The following ZNF808 variants were observed in gnomAD, a reference collection of about 807,000 sequenced individuals.
The protein encoded by ZNF808 is zinc finger protein 808.
Under a neutral mutation model 8.7 loss-of-function variants are expected in ZNF808, and 5 were observed. The observed-to-expected ratio is 0.58, with a 90% CI of 0.30 to 1.21. The LOEUF (loss-of-function observed/expected upper bound fraction) is 1.21, where lower values mean the gene tolerates loss of function less well. ZNF808 is among the 50% of genes most tolerant of loss of function. ZNF808 has a pLI of 0.07. For synonymous variants in ZNF808, 380 were observed against 366.0 expected (o/e 1.04, Z -0.44); for missense variants, 1,103 against 1,098.4 (o/e 1.00, Z -0.06).
chr19:52,555,718 TA>T lies in ZNF808; in HGVS notation c.*93del. 6.6e-7 allele frequency: 1 copy of T among 1,521,220 alleles called. No homozygotes were observed. The allele number at this position is 1,521,220 out of a possible 1,614,324, so 94.2% of individuals were successfully genotyped here. A position where few individuals can be genotyped will look rare whatever the true frequency, so the allele number is the denominator to read the frequency against. On this transcript the variant is annotated 3_prime_UTR_variant, in exon 5 of 5. Coordinates refer to ENST00000359798, the MANE Select transcript of ZNF808 (RefSeq NM_001039886.4). ...ATGAAGAGAAATCTTCTGAGTGTAA[TA>T]AATGTGGCATGTTTTTCAGACATTG... is the stretch of plus-strand genomic sequence containing the variant.
chr19:52,542,758 G>A (rs1160418506), intron 2 of ZNF808, among the ~76,000 whole-genome samples: 1 of 152,104 alleles, frequency 6.6e-6, no homozygotes, highest in Non-Finnish European at 1.5e-5. Flanking sequence ...GAAGCAGGGA[G>A]GCGGCTTTTA....
At chr19:52,549,369 G>A (rs2059753525) in intron 4 of ZNF808, among the ~76,000 whole-genome samples, 1 of 150,822 alleles carries the variant, frequency 6.6e-6, no homozygotes, top group African/African-American at 2.4e-5. Context: ...GAGTTTACTT[G>A]TTTGTTTGTG....
intron 2 of ZNF808, among the ~76,000 whole-genome samples, 171 bp from the exon 3 acceptor site, chr19:52,543,095 C>G (rs188132368): frequency 6.6e-6 from 1 of 152,092 alleles, no homozygotes; most frequent in African/African-American, 2.4e-5. Flanking sequence ...CGGGGTCAAA[C>G]ATACACTTGT....
In ZNF808 at chr19:52,539,605, A is replaced by T. The variant is rs73576286; in HGVS notation, c.-19-3661A>T. On this transcript the variant is annotated intron_variant, in intron 2 of 4. Coordinates refer to ENST00000359798, the MANE Select transcript of ZNF808 (RefSeq NM_001039886.4). Reference sequence around the variant, plus strand: ...GTTTTGGTCTTGTTGCCCAGGGTGAAGTGCAATGGTGCGATCTTGCTCACT... The same window carrying T: ...GTTTTGGTCTTGTTGCCCAGGGTGATGTGCAATGGTGCGATCTTGCTCACT... Among the ~76,000 whole-genome samples, 610 of 125,512 alleles carry T rather than the reference A, an allele frequency of 4.9e-3. 5 individuals are homozygous for T. Among genetic ancestry groups the T allele is most frequent in the African/African-American group, 0.018 (568 of 31,036 alleles). The allele number at this position is 125,512 out of a possible 152,430, so 82.3% of individuals were successfully genotyped here. A position where few individuals can be genotyped will look rare whatever the true frequency, so the allele number is the denominator to read the frequency against.
chr19:52,565,745 C>T (rs556265513), downstream of ZNF808, among the ~76,000 whole-genome samples: 205 of 152,286 alleles, frequency 1.3e-3, no homozygotes, highest in Non-Finnish European at 2.3e-3. Flanking sequence ...ACAATGTGAT[C>T]ATTTGTTATC....
intron 3 of ZNF808, among the ~76,000 whole-genome samples, chr19:52,561,911 A>G (rs1283121650): frequency 6.6e-6 from 1 of 152,198 alleles, no homozygotes; most frequent in Non-Finnish European, 1.5e-5. Flanking sequence ...GTTTTATGCT[A>G]CAGGCTCTAA....
At chr19:52,565,465 C>A (rs988216107), downstream of ZNF808, among the ~76,000 whole-genome samples, 1 of 152,086 alleles carries the variant, frequency 6.6e-6, no homozygotes, top group Admixed American at 6.6e-5. Flanking sequence ...ATACTCCACT[C>A]ACAAACTGTG....
At chr19:52,529,599 C>A (rs779038889) in intron 1 of ZNF808, among the ~76,000 whole-genome samples, 22 of 152,170 alleles carry the variant, frequency 1.4e-4, no homozygotes, top group Non-Finnish European at 3.1e-4. Context: ...CCCTATTCAA[C>A]CAGAGGGAAG....
chr19:52,543,387 C>T, intron 3 of ZNF808, 40 bp downstream of exon 3: 1 of 1,602,372 alleles, frequency 6.2e-7, no homozygotes, highest in Non-Finnish European at 8.5e-7. Flanking sequence ...TGTCTCTTTC[C>T]TTTCTGAAAT....
chr19:52,558,265 G>A (rs1027381467), downstream of ZNF808, among the ~76,000 whole-genome samples: 9 of 150,486 alleles, frequency 6.0e-5, no homozygotes, highest in African/African-American at 9.8e-5. Flanking sequence ...TAGTAGAGGC[G>A]GGGTTTCACC....
chr19:52,551,491 T>G (rs1478551652), intron 4 of ZNF808, among the ~76,000 whole-genome samples: 1 of 152,176 alleles, frequency 6.6e-6, no homozygotes, highest in East Asian at 1.9e-4. Context: ...GATCTTAACA[T>G]GTATTTCAGT....
In ZNF808 at chr19:52,555,612, T is replaced by C. The variant is rs2059829272; in HGVS notation, c.2696T>C (p.Ile899Thr). The C allele has an allele frequency of 6.3e-7, 1 of 1,598,428 alleles. No individual in the cohort carries two copies. The highest frequency in any genetic ancestry group is 2.2e-5 in the East Asian group (1 of 44,762). The change falls in exon 5 of 5, where the codon ATA (isoleucine) becomes ACA (threonine). Residue 899 changes from isoleucine (I) to threonine (T), a missense_variant. Coordinates refer to ENST00000359798, the MANE Select transcript of ZNF808 (RefSeq NM_001039886.4). ...TLIHHQAIHGIGKFD is the reference protein window; with the variant it reads ...TLIHHQAIHGTGKFD ...ATTCACCATCAGGCAATTCATGGTA[T>C]AGGGAAATTTGATTAATATAATGAT...
At chr19:52,537,687 C>CAAGAAA (rs2059626671) in intron 2 of ZNF808, among the ~76,000 whole-genome samples, 1 of 117,074 alleles carries the variant, frequency 8.5e-6, no homozygotes. Context: ...GACCCTGTCT[C>CAAGAAA]AAAAAAAAAA....
At chr19:52,557,338 G>A (rs111948927), downstream of ZNF808, among the ~76,000 whole-genome samples, 427 of 149,752 alleles carry the variant, frequency 2.9e-3, 2 homozygotes, top group African/African-American at 9.3e-3. Context: ...GCGATCTGGT[G>A]TCACTGCAAC....
At chr19:52,527,963 C>G (rs1267293279) in intron 1 of ZNF808, 2 of 152,514 alleles carry the variant, frequency 1.3e-5, no homozygotes, top group South Asian at 2.1e-4. Flanking sequence ...TTTTTCTGCT[C>G]AAAACCTTCT....
At chr19:52,544,956 T>A in intron 3 of ZNF808, among the ~76,000 whole-genome samples, 1 of 152,120 alleles carries the variant, frequency 6.6e-6, no homozygotes, top group Non-Finnish European at 1.5e-5. Context: ...GCTAATTATT[T>A]TGTATTTTTA....
In ZNF808 at chr19:52,552,590, C is replaced by A. The variant is rs138310611; in HGVS notation, c.191-517C>A. Among the ~76,000 whole-genome samples, 381 of 151,358 alleles carry A rather than the reference C, an allele frequency of 2.5e-3. 1 individual carries two copies. Among genetic ancestry groups the A allele is most frequent in the African/African-American group, 5.6e-3 (230 of 41,252 alleles). ...ATCACACCTGGCTAATTTTTGTAAT[C>A]TTTTCTTATCTTCTCAGTGCTATAA... On this transcript the variant is annotated intron_variant, in intron 4 of 4. Transcript: ENST00000359798.
chr19:52,561,943 A>G (rs1167661221), intron 3 of ZNF808, among the ~76,000 whole-genome samples: 1 of 152,160 alleles, frequency 6.6e-6, no homozygotes, highest in Non-Finnish European at 1.5e-5. Context: ...GTAATAAGAT[A>G]TGTCAGCCTT....
In ZNF808 at chr19:52,546,144, A is replaced by G. The variant is rs147880508; in HGVS notation, c.64-1368A>G. Among the ~76,000 whole-genome samples the G allele has an allele frequency of 4.0e-3, 606 of 152,146 alleles. 2 individuals are homozygous for G. Among genetic ancestry groups the G allele is most frequent in the African/African-American group, 0.014 (578 of 41,528 alleles). On this transcript the variant is annotated intron_variant, in intron 3 of 4. Transcript: ENST00000359798. The stretch of plus-strand genomic sequence containing the variant: ...TTAGAACAGTGTATAGCACATGGGA[A>G]GCATTCAAAAATGTTAGTCATGGCT...
Sources: gnomAD v4.1 joint callset for allele counts (sites outside exome capture counted in the v4.1 genomes callset) on GRCh38, gnomAD v4.1.1 for gene constraint, MANE v1.5 for transcripts, NCBI Gene and HGNC (gene_info 2026-07-23, HGNC 2026-07-21) for gene names.